TMC7: variants seen among roughly 807,000 people sequenced by gnomAD.
The protein encoded by TMC7 is transmembrane channel-like protein 7.
Under a neutral mutation model 82.9 loss-of-function variants are expected in TMC7, and 54 were observed. The observed-to-expected ratio is 0.65, with a 90% CI of 0.52 to 0.82. The LOEUF is 0.82. Among genes scored for constraint, TMC7 ranks in the 40% least tolerant of loss-of-function variants. The pLI is 0.00. For synonymous variants in TMC7, 350 were observed against 337.9 expected (o/e 1.04, Z -0.39); for missense variants, 820 against 901.2 (o/e 0.91, Z 1.15).
chr16:18,998,433 C>G (rs912018386), intron 1 of TMC7, among the ~76,000 whole-genome samples: 2 of 152,244 alleles, frequency 1.3e-5, no homozygotes, highest in East Asian at 3.9e-4. Context: ...CCCCACAGAC[C>G]CCTGACCAGA....
intron 2 of TMC7, among the ~76,000 whole-genome samples, chr16:19,015,851 C>T (rs1959660449): frequency 6.6e-6 from 1 of 151,994 alleles, no homozygotes; most frequent in African/African-American, 2.4e-5. Flanking sequence ...GCTTGGATTA[C>T]AGGCATGAGC....
At chr16:19,030,114 C>T (rs1040422655) in intron 5 of TMC7, 110 bp from the exon 6 acceptor site, 8 of 1,137,800 alleles carry the variant, frequency 7.0e-6, no homozygotes, top group Non-Finnish European at 1.0e-5. Context: ...TCTGGGGATA[C>T]AGAGAGGAAA....
At chr16:19,048,846 C>T (rs1453740624) in intron 12 of TMC7, among the ~76,000 whole-genome samples, 3 of 152,278 alleles carry the variant, frequency 2.0e-5, no homozygotes, top group Non-Finnish European at 2.9e-5. Context: ...TTATTGATTA[C>T]CTGTTATGCC....
intron 5 of TMC7, among the ~76,000 whole-genome samples, chr16:19,025,346 G>A (rs966120348): frequency 3.3e-5 from 5 of 152,036 alleles, no homozygotes; most frequent in African/African-American, 9.7e-5. Flanking sequence ...GGCCGGGTGC[G>A]GTGGCTCATG....
intron 5 of TMC7, among the ~76,000 whole-genome samples, chr16:19,029,543 T>A (rs57197173): frequency 0.063 from 9,643 of 151,952 alleles, 486 homozygotes; most frequent in African/African-American, 0.13. Flanking sequence ...CTAATTTTTT[T>A]AAAAAAAATT....
chr16:19,055,764 G>T (rs951377747), intron 13 of TMC7, among the ~76,000 whole-genome samples: 2 of 152,116 alleles, frequency 1.3e-5, no homozygotes, highest in East Asian at 1.9e-4. Context: ...GGACGTGCAG[G>T]TTTGTTACCT....
chr16:19,037,079 T>A (rs1009512547), intron 7 of TMC7, among the ~76,000 whole-genome samples: 1 of 152,196 alleles, frequency 6.6e-6, no homozygotes, highest in African/African-American at 2.4e-5. Flanking sequence ...CTGTCTTTAC[T>A]TAGGTCTTTA....
At chr16:18,999,468 G>A (rs1238573960) in intron 1 of TMC7, among the ~76,000 whole-genome samples, 1 of 152,194 alleles carries the variant, frequency 6.6e-6, no homozygotes, top group African/African-American at 2.4e-5. Context: ...GAAATACATT[G>A]TTTTTACTTG....
At chr16:18,996,136 T>C (rs1237797153) in intron 1 of TMC7, among the ~76,000 whole-genome samples, 1 of 151,958 alleles carries the variant, frequency 6.6e-6, no homozygotes, top group African/African-American at 2.4e-5. Flanking sequence ...AGGTGACAGA[T>C]AGATCCTAGG....
chr16:19,056,509 T>C (rs1961778551), intron 13 of TMC7, 33 bp from the exon 14 acceptor site: 1 of 1,605,522 alleles, frequency 6.2e-7, no homozygotes, highest in Non-Finnish European at 8.5e-7. Context: ...TGCTGCACGC[T>C]CCTTCTGAGC....
At position 19,055,638 on chromosome 16, in the gene TMC7, T is replaced by C. The variant is rs1358527095; in HGVS notation, c.1872-904T>C. 2.6e-5 allele frequency among the ~76,000 whole-genome samples: 4 copies of C among 152,090 alleles called. No homozygotes were observed. The East Asian group carries it at 7.7e-4, about 29-fold the overall frequency. ...CTCCCAAAGTGCTGGGATTACAGATTTGTTTTTAAAATAGTGATCTTTCAA... is the reference window on the plus strand; with the variant it reads ...CTCCCAAAGTGCTGGGATTACAGATCTGTTTTTAAAATAGTGATCTTTCAA... On this transcript the variant is annotated intron_variant, in intron 13 of 15. Coordinates refer to ENST00000304381, the MANE Select transcript of TMC7 (RefSeq NM_024847.4).
chr16:19,043,194 GT>G (rs954434979), intron 9 of TMC7, among the ~76,000 whole-genome samples: 1 of 151,776 alleles, frequency 6.6e-6, no homozygotes, highest in Non-Finnish European at 1.5e-5. Flanking sequence ...CAACACTCAC[GT>G]TTTTTCTTCC....
intron 1 of TMC7, among the ~76,000 whole-genome samples, chr16:18,986,497 A>G (rs138605724): frequency 2.0e-3 from 305 of 152,064 alleles, no homozygotes; most frequent in African/African-American, 6.7e-3. Flanking sequence ...CAGAGGTTAC[A>G]GTGAGCCGAG....
rs58449173 is a variant in TMC7, at chr16:18,994,408, G to T, written c.67+10278G>T. On this transcript the variant is annotated intron_variant, in intron 1 of 15. Transcript: ENST00000304381. ...CTCTTGTGTAAGAATACTGACTATC[G>T]TGCCACTGCACTCCAGCCTGGGTGA... is the stretch of plus-strand genomic sequence containing the variant. 9.5e-3 allele frequency among the ~76,000 whole-genome samples: 1,429 copies of T among 151,020 alleles called. 29 individuals are homozygous for T. The highest frequency in any genetic ancestry group is 0.032 in the African/African-American group (1,330 of 41,094).
chr16:19,058,225 C>T (rs1464016090), intron 14 of TMC7, among the ~76,000 whole-genome samples: 1 of 152,156 alleles, frequency 6.6e-6, no homozygotes, highest in East Asian at 1.9e-4. Flanking sequence ...AACACCGTCT[C>T]TACTAAAAAA....
chr16:19,014,342 TGGG>T (rs988926085), intron 2 of TMC7, among the ~76,000 whole-genome samples: 2 of 152,248 alleles, frequency 1.3e-5, no homozygotes, highest in Admixed American at 6.5e-5. Flanking sequence ...TGATGTTCCT[TGGG>T]GGGTATGCAA....
At chr16:19,049,126 C>T (rs1036749103) in intron 12 of TMC7, among the ~76,000 whole-genome samples, 37 of 151,946 alleles carry the variant, frequency 2.4e-4, no homozygotes, top group African/African-American at 8.7e-4. Flanking sequence ...AGGGTTCAAG[C>T]GATTCTTGTG....
At chr16:19,016,728 C>T (rs1959715422) in intron 3 of TMC7, 130 bp downstream of exon 3, 1 of 1,029,436 alleles carries the variant, frequency 9.7e-7, no homozygotes, top group Non-Finnish European at 1.4e-6. Flanking sequence ...GAGCAACAAA[C>T]CACAGCAAGG....
At chr16:19,023,886 C>A (rs1463136101) in intron 5 of TMC7, among the ~76,000 whole-genome samples, 1 of 152,212 alleles carries the variant, frequency 6.6e-6, no homozygotes, top group African/African-American at 2.4e-5. Flanking sequence ...GAGTCCCAGA[C>A]TGGATGGATG....
Sources: allele counts gnomAD v4.1 joint callset (sites outside exome capture counted in the v4.1 genomes callset), GRCh38; gene constraint gnomAD v4.1.1; transcripts MANE v1.5; gene names NCBI Gene and HGNC (gene_info 2026-07-23, HGNC 2026-07-21).